The following ACYP2 variants were observed in gnomAD, a reference collection of about 807,000 sequenced individuals.
The protein encoded by ACYP2 is acylphosphatase 2, also known as acylphosphatase-2.
ACYP2 carries 12 observed loss-of-function variants against 11.2 expected under a neutral mutation model. That is an observed-to-expected ratio of 1.08 (90% confidence interval 0.69 to 1.74). ACYP2 has a LOEUF of 1.74. ACYP2 is among the 40% of genes most tolerant of loss of function. ACYP2 has a pLI of 0.00. For synonymous variants in ACYP2, 43 were observed against 32.2 expected (o/e 1.33, Z -1.13); for missense variants, 134 against 101.9 (o/e 1.31, Z -1.35).
At chr2:54,254,829 G>C (rs1687415017) in intron 6 of ACYP2, 2 of 1,323,602 alleles carry the variant, frequency 1.5e-6, no homozygotes, top group Admixed American at 4.5e-5. Context: ...AACAAAAAAA[G>C]TAAAGGGCAT....
intron 2 of ACYP2, among the ~76,000 whole-genome samples, chr2:54,005,363 G>T: frequency 6.9e-6 from 1 of 145,820 alleles, no homozygotes; most frequent in African/African-American, 2.5e-5. Context: ...TTTTTGAGAC[G>T]GAGTCTTATT....
intron 6 of ACYP2, among the ~76,000 whole-genome samples, chr2:54,267,840 G>A (rs1365332890): frequency 6.6e-6 from 1 of 152,140 alleles, no homozygotes; most frequent in Non-Finnish European, 1.5e-5. Flanking sequence ...AAGGTTCAGA[G>A]CTATCTTCCT....
intron 2 of ACYP2, among the ~76,000 whole-genome samples, chr2:54,044,607 CA>C (rs113761874): frequency 4.6e-4 from 66 of 143,354 alleles, no homozygotes; most frequent in Middle Eastern, 3.5e-3. Flanking sequence ...CCGCCCCTCT[CA>C]AAAAAAAAAA....
chr2:54,018,984 A>C (rs1673845573), intron 2 of ACYP2, among the ~76,000 whole-genome samples: 1 of 151,892 alleles, frequency 6.6e-6, no homozygotes, highest in Non-Finnish European at 1.5e-5. Flanking sequence ...ATCTCAAGTG[A>C]TCCACCTGCC....
At chr2:54,158,968 A>G (rs1244345297) in intron 6 of ACYP2, among the ~76,000 whole-genome samples, 1 of 152,164 alleles carries the variant, frequency 6.6e-6, no homozygotes, top group African/African-American at 2.4e-5. Flanking sequence ...TCAGCTAACT[A>G]AACATTTGGT....
In ACYP2 at chr2:54,221,447, C is replaced by T. The variant is rs188409611; in HGVS notation, c.404+82699C>T. Among the ~76,000 whole-genome samples the T allele has an allele frequency of 1.4e-3, 214 of 151,004 alleles. 1 individual carries two copies. Among genetic ancestry groups the T allele is most frequent in the East Asian group, 9.1e-3 (47 of 5,160 alleles). On this transcript the variant is annotated intron_variant, in intron 6 of 6. Transcript: ENST00000607452. Reference sequence around the variant, plus strand: ...TTGAAAAGTAGTAACACTTAAAACACGAATTATAAAACACCAATTATTTGA... The same window carrying T: ...TTGAAAAGTAGTAACACTTAAAACATGAATTATAAAACACCAATTATTTGA...
intron 4 of ACYP2, among the ~76,000 whole-genome samples, chr2:54,120,053 C>G (rs1461460792): frequency 1.3e-5 from 2 of 152,236 alleles, no homozygotes; most frequent in African/African-American, 4.8e-5. Flanking sequence ...CTGCTCTTGT[C>G]ACACCTATCA....
At chr2:54,167,788 G>C (rs1392142894) in intron 6 of ACYP2, among the ~76,000 whole-genome samples, 1 of 152,194 alleles carries the variant, frequency 6.6e-6, no homozygotes, top group African/African-American at 2.4e-5. Context: ...CAATAATTCA[G>C]AGGGAAGAGA....
At chr2:54,053,164 T>A (rs1675953074) in intron 3 of ACYP2, among the ~76,000 whole-genome samples, 1 of 152,234 alleles carries the variant, frequency 6.6e-6, no homozygotes, top group South Asian at 2.1e-4. Flanking sequence ...TTGCTTTTGC[T>A]GTGTGCCTTC....
chr2:54,212,563 T>A (rs1367262378), intron 6 of ACYP2, among the ~76,000 whole-genome samples: 1 of 152,174 alleles, frequency 6.6e-6, no homozygotes, highest in Non-Finnish European at 1.5e-5. Flanking sequence ...AAACAGGAGT[T>A]ACCATATCCA....
chr2:54,005,695 A>G (rs2104531496), intron 2 of ACYP2, among the ~76,000 whole-genome samples: 1 of 152,266 alleles, frequency 6.6e-6, no homozygotes, highest in Admixed American at 6.5e-5. Flanking sequence ...TCATTTATTC[A>G]TTTGACACAT....
At chr2:53,982,447 T>A (rs1411619805) in intron 2 of ACYP2, among the ~76,000 whole-genome samples, 1 of 152,212 alleles carries the variant, frequency 6.6e-6, no homozygotes, top group Non-Finnish European at 1.5e-5. Context: ...GTTAGATGAA[T>A]GACACAGTAC....
chr2:54,169,528 G>T (rs56912987), intron 6 of ACYP2, among the ~76,000 whole-genome samples: 1,602 of 151,956 alleles, frequency 0.011, 35 homozygotes, highest in African/African-American at 0.037. Context: ...TCCTGCCTTG[G>T]GTTCCCAAAG....
intron 2 of ACYP2, among the ~76,000 whole-genome samples, chr2:53,990,785 G>GT (rs1221080011): frequency 4.7e-4 from 70 of 147,544 alleles, no homozygotes; most frequent in South Asian, 1.3e-3. Flanking sequence ...AAGAATTTGC[G>GT]TTTTTTTTTT....
Position 53,973,775 on chromosome 2 carries a change from T to C in ACYP2, c.27T>C (p.Gly9=), listed in dbSNP as rs1415510027. 5 of 348,032 alleles carry C rather than the reference T, an allele frequency of 1.4e-5. No individual in the cohort carries two copies. Among genetic ancestry groups the C allele is most frequent in the East Asian group, 1.3e-4 (3 of 23,716 alleles). 21.6% of individuals were successfully genotyped at this position (348,032 alleles called of 1,614,324 possible). The change falls in exon 2 of 7, where the codon GGT becomes GGC. Residue 9 remains glycine, a synonymous_variant. Transcript: ENST00000607452. ...TGTTGCTCACACAAAGCCTGTTTGG[T>C]GGTCTCTTCCCACGGACGCGCGAGA...
intron 6 of ACYP2, among the ~76,000 whole-genome samples, chr2:54,291,648 G>T (rs1307033571): frequency 6.6e-6 from 1 of 152,206 alleles, no homozygotes; most frequent in African/African-American, 2.4e-5. Flanking sequence ...GTTCAGTGGA[G>T]AAAGAGGCAG....
chr2:54,093,913 C>T (rs62137965), intron 4 of ACYP2, among the ~76,000 whole-genome samples: 55,636 of 151,838 alleles, frequency 0.37, 11,219 homozygotes, highest in East Asian at 0.71. Flanking sequence ...GCACTCCAGC[C>T]TGGGTGACAG....
chr2:54,027,484 A>T (rs1674347462), intron 2 of ACYP2, among the ~76,000 whole-genome samples: 1 of 152,228 alleles, frequency 6.6e-6, no homozygotes, highest in Admixed American at 6.5e-5. Flanking sequence ...TTGTCTTCCA[A>T]TCATACTTCA....
chr2:54,258,493 G>T (rs1423056392), intron 6 of ACYP2, among the ~76,000 whole-genome samples: 2 of 152,196 alleles, frequency 1.3e-5, no homozygotes, highest in African/African-American at 4.8e-5. Flanking sequence ...GATAGTGTAA[G>T]AAATTTGGCT....
Sources: allele counts gnomAD v4.1 joint callset (sites outside exome capture counted in the v4.1 genomes callset), GRCh38; gene constraint gnomAD v4.1.1; transcripts MANE v1.5; gene names NCBI Gene and HGNC (gene_info 2026-07-23, HGNC 2026-07-21).